Variants in KIF13B observed in about 807,000 individuals in gnomAD.
The protein encoded by KIF13B is kinesin family member 13B, also known as kinesin-like protein KIF13B.
A neutral mutation model predicts 222.0 loss-of-function variants in KIF13B; 127 were observed. The ratio of observed to expected loss-of-function variants is 0.57; its 90% CI spans 0.50 to 0.66. KIF13B has a LOEUF of 0.66. KIF13B is among the 30% of genes least tolerant of loss of function. The pLI, the probability that KIF13B is intolerant of heterozygous loss-of-function variation, is 0.00. For missense variants in KIF13B, 2,173 were observed against 2,379.0 expected (o/e 0.91, Z 1.80); for synonymous variants, 976 against 919.0 (o/e 1.06, Z -1.12).
At chr8:29,243,254 G>A (rs201211119) in intron 2 of KIF13B, among the ~76,000 whole-genome samples, 2 of 151,662 alleles carry the variant, frequency 1.3e-5, no homozygotes, top group East Asian at 3.9e-4. Flanking sequence ...GGCTGAGTCA[G>A]GAGAATTGGT....
At chr8:29,143,663 T>C (rs1810919452) in intron 18 of KIF13B, among the ~76,000 whole-genome samples, 1 of 152,102 alleles carries the variant, frequency 6.6e-6, no homozygotes, top group East Asian at 1.9e-4. Flanking sequence ...CTGGCCAATA[T>C]GGTGAAACCC....
chr8:29,079,910 T>A (rs954380998), intron 37 of KIF13B, among the ~76,000 whole-genome samples: 2 of 151,892 alleles, frequency 1.3e-5, no homozygotes, highest in African/African-American at 4.8e-5. Flanking sequence ...TTGTTACAAA[T>A]AGTTAGTAGC....
rs1288355234 is a variant in KIF13B, at chr8:29,167,651, T to C, written c.946-66A>G. On this transcript the variant is annotated intron_variant, in intron 10 of 39. Coordinates refer to ENST00000524189, the MANE Select transcript of KIF13B (RefSeq NM_015254.4). Reference sequence around the variant, plus strand: ...GGAAGAAGACGTCATATGAGAAACCTGAAATCAAAAATGGTGAACAAATTT... The same window carrying C: ...GGAAGAAGACGTCATATGAGAAACCCGAAATCAAAAATGGTGAACAAATTT... 2.2e-6 allele frequency: 3 copies of C among 1,334,130 alleles called. No individual in the cohort carries two copies. The African/African-American group carries it at 4.3e-5, about 19-fold the overall frequency. 82.6% of individuals were successfully genotyped at this position (1,334,130 alleles called of 1,614,324 possible).
At chr8:29,168,472 C>G (rs1812098126) in intron 10 of KIF13B, among the ~76,000 whole-genome samples, 1 of 152,332 alleles carries the variant, frequency 6.6e-6, no homozygotes, top group South Asian at 2.1e-4. Flanking sequence ...TTGAGGGTGG[C>G]CAGGACTTAT....
In KIF13B at chr8:29,071,950, G is replaced by A; in HGVS notation, c.4888C>T (p.Pro1630Ser). 7.3e-7 allele frequency: 1 copy of A among 1,367,292 alleles called. No homozygotes were observed. The highest frequency in any genetic ancestry group is 9.4e-7 in the Non-Finnish European group (1 of 1,067,430). The allele number at this position is 1,367,292 out of a possible 1,614,324, so 84.7% of individuals were successfully genotyped here. The change falls in exon 39 of 40, where the codon CCC (proline) becomes TCC (serine). Residue 1630 changes from proline (P) to serine (S), a missense_variant. Physicochemically the swap from Pro to Ser is moderately conservative, Grantham distance 74. This residue lies in a region of KIF13B where 693 missense variants were observed against 656.2 expected (regional missense o/e 1.06). Transcript: ENST00000524189. The surrounding 1 kb of genome is among the most constrained non-coding windows in gnomAD (Gnocchi z 4.9). Reference sequence around the variant, plus strand: ...TCGAGGTCGGGGCGCTCCCGACCGGGGCTCACGAGCTGCTGGGGGCCAGGG... The same window carrying A: ...TCGAGGTCGGGGCGCTCCCGACCGGAGCTCACGAGCTGCTGGGGGCCAGGG... Reference protein sequence around the residue: ...EPPGPQQLVSPGRERPDLEAP... With the variant: ...EPPGPQQLVSSGRERPDLEAP...
At chr8:29,094,712 T>C (rs980332827) in intron 36 of KIF13B, among the ~76,000 whole-genome samples, 12 of 152,338 alleles carry the variant, frequency 7.9e-5, no homozygotes, top group African/African-American at 2.6e-4. Flanking sequence ...ATGAGATGTC[T>C]AGATACTGGA....
Position 29,070,809 on chromosome 8 carries a change from C to A in KIF13B, c.5219-43G>T. On this transcript the variant is annotated intron_variant, in intron 39 of 39. Coordinates refer to ENST00000524189, the MANE Select transcript of KIF13B (RefSeq NM_015254.4). This position sits in a 1 kb window ranked among gnomAD's most constrained non-coding sequence, Gnocchi z 4.1. ...GGTGATATGGAGGGCAGCCGAGCTG[C>A]AGACGGCCCCCTGCACCTCCCTTAC... The A allele has an allele frequency of 1.9e-6, 3 of 1,566,388 alleles. No homozygotes were observed. The highest frequency in any genetic ancestry group is 2.6e-6 in the Non-Finnish European group (3 of 1,156,250).
intron 13 of KIF13B, among the ~76,000 whole-genome samples, chr8:29,157,677 C>A (rs1255652687): frequency 6.6e-6 from 1 of 151,706 alleles, no homozygotes; most frequent in Non-Finnish European, 1.5e-5. Flanking sequence ...TGCACTCCAG[C>A]CTGGGCGAAA....
rs188566098 is a variant in KIF13B at position 29,159,477 on chromosome 8, G to A, written c.1404+1256C>T. Among the ~76,000 whole-genome samples, 184 of 152,206 alleles carry A rather than the reference G, an allele frequency of 1.2e-3. 1 individual carries two copies. Among genetic ancestry groups the A allele is most frequent in the African/African-American group, 4.2e-3 (174 of 41,528 alleles). On this transcript the variant is annotated intron_variant, in intron 13 of 39. Transcript: ENST00000524189. ...TAATATATCATTTTTTAATAGGCAA[G>A]GATAATATGTGTATAAGAAACCATA...
At chr8:29,156,752 C>A (rs1485544782) in intron 13 of KIF13B, among the ~76,000 whole-genome samples, 1 of 151,134 alleles carries the variant, frequency 6.6e-6, no homozygotes, top group Non-Finnish European at 1.5e-5. Context: ...AACTCCTGGG[C>A]TCAAGCAATC....
In KIF13B at chr8:29,215,390, T is replaced by C. The variant is rs548792422; in HGVS notation, c.150-19191A>G. The stretch of plus-strand genomic sequence containing the variant: ...GTCCCAGGATCGATCGAACCAACTC[T>C]ATAGAACAGTATGCCGACCAGGTGT... On this transcript the variant is annotated intron_variant, in intron 2 of 39. Transcript: ENST00000524189. 1.1e-4 allele frequency among the ~76,000 whole-genome samples: 16 copies of C among 152,292 alleles called. 1 individual carries two copies. In the South Asian group the frequency reaches 3.3e-3, roughly 32 times the overall value.
chr8:29,226,138 G>GT (rs1441303214), intron 2 of KIF13B, among the ~76,000 whole-genome samples: 2 of 152,146 alleles, frequency 1.3e-5, no homozygotes, highest in Non-Finnish European at 1.5e-5. Flanking sequence ...GATGTAAAAT[G>GT]TAACACCTGA....
rs778432205 is a variant in KIF13B at position 29,263,052 on chromosome 8, A to G, written c.-18T>C. 3 of 1,570,796 alleles carry G rather than the reference A, an allele frequency of 1.9e-6. No homozygotes were observed. The highest frequency in any genetic ancestry group is 1.8e-5 in the Admixed American group (1 of 56,910). On this transcript the variant is annotated 5_prime_UTR_variant, in exon 1 of 40. Coordinates refer to ENST00000524189, the MANE Select transcript of KIF13B (RefSeq NM_015254.4). ...TCCCCCATCCTGCAGCCGCCGAGGA[A>G]CTCGTTCGGCTTCCGTCTGCCGCGG... is the stretch of plus-strand genomic sequence containing the variant.
chr8:29,072,175 C>A lies in KIF13B; in HGVS notation c.4663G>T (p.Asp1555Tyr). Residue 1555 changes from aspartate to tyrosine, a missense_variant, in exon 39 of 40, where the codon GAC (aspartate) becomes TAC (tyrosine). This residue lies in a region of KIF13B where 693 missense variants were observed against 656.2 expected (regional missense o/e 1.06). Coordinates refer to ENST00000524189, the MANE Select transcript of KIF13B (RefSeq NM_015254.4). ...TCACTCAGGGGGCTGGGGGGCCCGT[C>A]CTGTGCCTCCGGAGCCGGGGTGACC... is the stretch of plus-strand genomic sequence containing the variant. ...TAVTPAPEAQ[D>Y]GPPSPLSEAS... 1.4e-6 allele frequency: 2 copies of A among 1,435,146 alleles called. No individual in the cohort carries two copies. The highest frequency in any genetic ancestry group is 2.8e-5 in the Admixed American group (1 of 35,252). 88.9% of individuals were successfully genotyped at this position (1,435,146 alleles called of 1,614,324 possible). A position where few individuals can be genotyped will look rare whatever the true frequency, so the allele number is the denominator to read the frequency against.
chr8:29,086,989 A>T (rs1262180527), intron 37 of KIF13B, among the ~76,000 whole-genome samples: 6 of 152,258 alleles, frequency 3.9e-5, no homozygotes, highest in Non-Finnish European at 5.9e-5. Flanking sequence ...GGTGCTGCTA[A>T]GTCCAGCACT....
chr8:29,205,196 T>TA (rs1380655788), intron 2 of KIF13B, among the ~76,000 whole-genome samples: 2 of 25,326 alleles, frequency 7.9e-5, no homozygotes, highest in East Asian at 8.7e-4. Flanking sequence ...ACCAAAAAAG[T>TA]TTTTTTAAAA....
intron 2 of KIF13B, among the ~76,000 whole-genome samples, chr8:29,229,252 A>G (rs1815179815): frequency 6.6e-6 from 1 of 152,230 alleles, no homozygotes; most frequent in Admixed American, 6.5e-5. Context: ...TTTAGAGAAG[A>G]AACTCTTCTG....
At chr8:29,176,582 C>T (rs908899891) in intron 9 of KIF13B, among the ~76,000 whole-genome samples, 1 of 152,178 alleles carries the variant, frequency 6.6e-6, no homozygotes, top group African/African-American at 2.4e-5. Context: ...TTCTTTATGA[C>T]TCCTATGTGT....
At chr8:29,250,256 G>A (rs1816222842) in intron 1 of KIF13B, among the ~76,000 whole-genome samples, 1 of 152,144 alleles carries the variant, frequency 6.6e-6, no homozygotes, top group African/African-American at 2.4e-5. Flanking sequence ...AAAATGGGTG[G>A]TTCATCAAAC....
Sources: gnomAD v4.1 joint callset for allele counts (sites outside exome capture counted in the v4.1 genomes callset) on GRCh38, gnomAD v4.1.1 for gene constraint, gnomAD v4.1.1 regional missense constraint, Gnocchi (gnomAD v3.1) non-coding constraint, MANE v1.5 for transcripts, NCBI Gene and HGNC (gene_info 2026-07-23, HGNC 2026-07-21) for gene names.